RNF166: variants seen among roughly 807,000 people sequenced by gnomAD.
RNF166 encodes the protein ring finger protein 166, also known as E3 ubiquitin-protein ligase RNF166.
In RNF166, 19 loss-of-function variants were observed where a neutral mutation model predicts 29.4. The observed-to-expected ratio is 0.65, with a 90% CI of 0.45 to 0.95. The LOEUF is 0.95. Ranked by LOEUF, RNF166 falls within the 40% of genes least tolerant of loss-of-function variation. The probability of loss-of-function intolerance (pLI) is 0.00; values close to 1 mark genes in which losing one functional copy is unlikely to be tolerated. For synonymous variants in RNF166, 171 were observed against 134.5 expected (o/e 1.27, Z -1.88); for missense variants, 347 against 322.1 (o/e 1.08, Z -0.59).
chr16:88,698,479 G>T, intron 5 of RNF166, 23 bp downstream of exon 5: 5 of 1,531,168 alleles, frequency 3.3e-6, no homozygotes, highest in Non-Finnish European at 4.4e-6. Flanking sequence ...CGTGGGGGAG[G>T]ACGGTGCTGG....
chr16:88,703,288 G>A, intron 1 of RNF166: 27 of 985,156 alleles, frequency 2.7e-5, no homozygotes, highest in Non-Finnish European at 3.3e-5. Context: ...GAAACGACTG[G>A]ATGGTGCACC....
In RNF166 at chr16:88,699,629, G is replaced by T. The variant is rs149263076; in HGVS notation, c.416C>A (p.Pro139His). ...CCGGCAGCGTGCCTACCTGGGGATA[G>T]GCTGTGATGTGGGCACCACGGGGAC... ...KFVPVVPTSQ[P>H]IPSNIPNRST... Residue 139 changes from proline to histidine, a missense_variant, in exon 3 of 6, where the codon CCT becomes CAT. Physicochemically the swap from Pro to His is moderately conservative, Grantham distance 77 (BLOSUM62 -2). Coordinates refer to ENST00000312838, the MANE Select transcript of RNF166 (RefSeq NM_178841.4). The T allele has an allele frequency of 6.0e-5, 96 of 1,612,386 alleles. No homozygotes were observed. Among genetic ancestry groups the T allele is most frequent in the Non-Finnish European group, 1.3e-5 (15 of 1,179,090 alleles).
At chr16:88,706,137 C>T in intron 1 of RNF166, 34 bp downstream of exon 1, 1 of 1,143,126 alleles carries the variant, frequency 8.7e-7, no homozygotes, top group Admixed American at 4.9e-5. Flanking sequence ...GGGGCACGGC[C>T]CCCTCCCCGC....
chr16:88,706,297 G>C lies in RNF166; in HGVS notation c.29C>G (p.Ser10Trp). The change falls in exon 1 of 6, where the codon TCG (serine) becomes TGG (tryptophan). Residue 10 changes from serine (S) to tryptophan (W), a missense_variant. Ser to Trp is a radical substitution (Grantham distance 177). Transcript: ENST00000312838. Reference sequence around the variant, plus strand: ...GGCCGGCGGCTGCCGCTGCTGAGCCGAGGCCACCAGGCTGCGGAACATAGC... The same window carrying C: ...GGCCGGCGGCTGCCGCTGCTGAGCCCAGGCCACCAGGCTGCGGAACATAGC... Reference protein sequence around the residue: MAMFRSLVASAQQRQPPAGP... With the variant: MAMFRSLVAWAQQRQPPAGP... 3.1e-6 allele frequency: 4 copies of C among 1,274,048 alleles called. No homozygotes were observed. Among genetic ancestry groups the C allele is most frequent in the Non-Finnish European group, 4.0e-6 (4 of 1,011,552 alleles). The allele number at this position is 1,274,048 out of a possible 1,614,324, so 78.9% of individuals were successfully genotyped here.
At chr16:88,704,033 G>C in intron 1 of RNF166, 1 of 985,418 alleles carries the variant, frequency 1.0e-6, no homozygotes, top group Non-Finnish European at 1.2e-6. Flanking sequence ...GCTCCTGCTG[G>C]GCCCCCAGGG....
intron 1 of RNF166, among the ~76,000 whole-genome samples, chr16:88,705,244 G>A (rs1910662633): frequency 6.6e-6 from 1 of 152,204 alleles, no homozygotes; most frequent in African/African-American, 2.4e-5. Context: ...AGGAGCCCCT[G>A]AAGTCAGCTG....
chr16:88,706,374 C>CACAGCCCGCTAGTCACAGCCCT lies in RNF166; in HGVS notation c.-50_-49insAGGGCTGTGACTAGCGGGCTGT. The CACAGCCCGCTAGTCACAGCCCT allele has an allele frequency of 8.2e-7, 1 of 1,217,342 alleles. No individual in the cohort carries two copies. Among genetic ancestry groups the CACAGCCCGCTAGTCACAGCCCT allele is most frequent in the Non-Finnish European group, 1.0e-6 (1 of 976,028 alleles). 75.4% of individuals were successfully genotyped at this position (1,217,342 alleles called of 1,614,324 possible). A position where few individuals can be genotyped will look rare whatever the true frequency, so the allele number is the denominator to read the frequency against. On this transcript the variant is annotated 5_prime_UTR_variant, in exon 1 of 6. Transcript: ENST00000312838. ...CGCCGCCCGCTGTCCTGGCCCGGGC[C>CACAGCCCGCTAGTCACAGCCCT]GGCCCGCTAGTCACAGCCGCTACTG...
chr16:88,702,895 A>G, intron 1 of RNF166: 1 of 985,498 alleles, frequency 1.0e-6, no homozygotes, highest in Non-Finnish European at 1.2e-6. Context: ...GGTGCTGGCA[A>G]GATGGTCCAC....
At position 88,699,625 on chromosome 16, in the gene RNF166, G is replaced by C. The variant is rs138433399; in HGVS notation, c.420C>G (p.Ile140Met). ...FVPVVPTSQP[I>M]PSNIPNRSTF... ...TTGCCCGGCAGCGTGCCTACCTGGGGATAGGCTGTGATGTGGGCACCACGG... is the reference window on the plus strand; with the variant it reads ...TTGCCCGGCAGCGTGCCTACCTGGGCATAGGCTGTGATGTGGGCACCACGG... Residue 140 changes from isoleucine to methionine, a missense_variant, in exon 3 of 6, where the codon ATC becomes ATG. Physicochemically the swap from Ile to Met is conservative, Grantham distance 10. Transcript: ENST00000312838. The C allele has an allele frequency of 1.2e-6, 2 of 1,611,982 alleles. No individual in the cohort carries two copies. The highest frequency in any genetic ancestry group is 1.7e-6 in the Non-Finnish European group (2 of 1,178,780).
intron 1 of RNF166, among the ~76,000 whole-genome samples, chr16:88,705,167 A>G (rs1370226116): frequency 1.3e-5 from 2 of 152,190 alleles, no homozygotes; most frequent in African/African-American, 4.8e-5. Flanking sequence ...GCATCCTGAC[A>G]CTGGCCCTGC....
chr16:88,700,820 C>A, intron 2 of RNF166: 1 of 1,051,156 alleles, frequency 9.5e-7, no homozygotes, highest in Non-Finnish European at 1.2e-6. Flanking sequence ...CCCATCAGCC[C>A]GGCTCTGGCC....
chr16:88,705,024 C>T (rs191457176), intron 1 of RNF166, among the ~76,000 whole-genome samples: 202 of 152,332 alleles, frequency 1.3e-3, no homozygotes, highest in Admixed American at 8.0e-3. Context: ...GGCTGCCCCC[C>T]CAAAATGTCA....
chr16:88,698,358 C>G (rs1461227434), intron 5 of RNF166, 144 bp downstream of exon 5: 3 of 751,412 alleles, frequency 4.0e-6, no homozygotes, highest in Non-Finnish European at 7.1e-6. Context: ...CCCACAGAAC[C>G]TGGGGGAATG....
intron 1 of RNF166, chr16:88,703,556 C>G: frequency 1.0e-6 from 1 of 985,436 alleles, no homozygotes; most frequent in Non-Finnish European, 1.2e-6. Flanking sequence ...AGGGTGGGTG[C>G]TCTATCGGCC....
At chr16:88,700,680 C>A in intron 2 of RNF166, 1 of 987,792 alleles carries the variant, frequency 1.0e-6, no homozygotes, top group Non-Finnish European at 1.2e-6. Flanking sequence ...GGCCTCTCCA[C>A]CCTGAAGCGG....
At chr16:88,702,759 C>T (rs1325985173) in intron 1 of RNF166, 10 of 985,310 alleles carry the variant, frequency 1.0e-5, no homozygotes, top group Non-Finnish European at 9.6e-6. Flanking sequence ...AAAGAGGTCG[C>T]TCACTTTACC....
chr16:88,704,023 GCTC>G (rs1238094275), intron 1 of RNF166: 11 of 985,364 alleles, frequency 1.1e-5, no homozygotes, highest in Non-Finnish European at 1.3e-5. Context: ...GCTGAGAACA[GCTC>G]CTGCTGGGCC....
At chr16:88,697,740 G>C (rs1909773877) in intron 5 of RNF166, 107 bp from the exon 6 acceptor site, 1 of 809,670 alleles carries the variant, frequency 1.2e-6, no homozygotes, top group South Asian at 1.6e-5. Context: ...CCTCCCTCCA[G>C]CAGGACACAG....
At chr16:88,702,085 G>C (rs1910296957) in intron 1 of RNF166, among the ~76,000 whole-genome samples, 1 of 152,186 alleles carries the variant, frequency 6.6e-6, no homozygotes, top group Admixed American at 6.5e-5. Context: ...CGTGAGGACA[G>C]ACTGAGCGTC....
Sources: gnomAD v4.1 joint callset for allele counts (sites outside exome capture counted in the v4.1 genomes callset) on GRCh38, gnomAD v4.1.1 for gene constraint, MANE v1.5 for transcripts, NCBI Gene and HGNC (gene_info 2026-07-23, HGNC 2026-07-21) for gene names.